Variants in MALRD1 observed in about 807,000 individuals in gnomAD.
MALRD1 encodes MAM and LDL-receptor class A domain-containing protein 1.
In MALRD1, 247 loss-of-function variants were observed where a neutral mutation model predicts 242.1. The ratio of observed to expected loss-of-function variants is 1.02; its 90% confidence interval spans 0.92 to 1.13. MALRD1 has a LOEUF of 1.13. MALRD1 is among the 50% of genes most tolerant of loss of function. MALRD1 has a pLI of 0.00. For missense variants in MALRD1, 2,989 were observed against 2,533.1 expected (o/e 1.18, Z -3.86); for synonymous variants, 995 against 866.6 (o/e 1.15, Z -2.60).
rs530561780 is a variant in MALRD1 at position 19,087,439 on chromosome 10, C to A, written c.341-401C>A. 8.6e-5 allele frequency among the ~76,000 whole-genome samples: 13 copies of A among 151,750 alleles called. 1 individual carries two copies. The South Asian group carries it at 2.7e-3, about 32-fold the overall frequency. ...AAATGATGTGGTTAAATTATTTGTT[C>A]TTTAAACAAAAAAAATTATTAATCT... On this transcript the variant is annotated intron_variant, in intron 2 of 39. Coordinates refer to ENST00000454679, the MANE Select transcript of MALRD1 (RefSeq NM_001142308.3).
chr10:19,448,852 G>A lies in MALRD1; in HGVS notation c.4846-1455G>A, dbSNP rs993525110. On this transcript the variant is annotated intron_variant, in intron 28 of 39. Transcript: ENST00000454679. ...ATGATTATATAATAATATAATTTTT[G>A]GAATCTGTTGTTAAAATTATCACTT... 1.1e-4 allele frequency among the ~76,000 whole-genome samples: 16 copies of A among 151,570 alleles called. No individual in the cohort carries two copies. The South Asian group carries it at 1.2e-3, about 12-fold the overall frequency.
rs116165096 is a variant in MALRD1, at chr10:19,473,883, T to C, written c.5030-17634T>C. On this transcript the variant is annotated intron_variant, in intron 29 of 39. Transcript: ENST00000454679. ...ATATGGTAATTCTATTTGTAATTTT[T>C]GTAAGAACCACCACATTCTTTTCCA... Among the ~76,000 whole-genome samples the C allele has an allele frequency of 3.9e-3, 596 of 152,280 alleles. 5 individuals are homozygous for C. Among genetic ancestry groups the C allele is most frequent in the African/African-American group, 0.014 (576 of 41,578 alleles).
chr10:19,284,650 A>G (rs1266834863), intron 21 of MALRD1, among the ~76,000 whole-genome samples: 1 of 142,488 alleles, frequency 7.0e-6, no homozygotes, highest in Admixed American at 7.1e-5. Context: ...CCAGTCTATC[A>G]TTGTTGGACA....
chr10:19,524,976 T>C (rs768649077), intron 31 of MALRD1, among the ~76,000 whole-genome samples: 28 of 152,062 alleles, frequency 1.8e-4, no homozygotes, highest in Non-Finnish European at 3.4e-4. Flanking sequence ...TAATCTCGGC[T>C]TACTGCAACC....
chr10:19,405,179 CTTAT>C (rs1365657012), intron 28 of MALRD1, among the ~76,000 whole-genome samples: 1 of 152,102 alleles, frequency 6.6e-6, no homozygotes, highest in Non-Finnish European at 1.5e-5. Flanking sequence ...GCGTCAACAT[CTTAT>C]TTGTTATTTT....
At chr10:19,483,821 A>G (rs778900793) in intron 29 of MALRD1, among the ~76,000 whole-genome samples, 10 of 152,124 alleles carry the variant, frequency 6.6e-5, no homozygotes, top group Non-Finnish European at 1.3e-4. Context: ...AAGATGCATG[A>G]ATGCATATGC....
At chr10:19,587,591 G>A (rs1466498906) in intron 33 of MALRD1, among the ~76,000 whole-genome samples, 2 of 152,208 alleles carry the variant, frequency 1.3e-5, no homozygotes, top group African/African-American at 2.4e-5. Context: ...TCAGTGTGAT[G>A]TAATTTTTAT....
At chr10:19,255,731 A>T (rs1839476044) in intron 18 of MALRD1, among the ~76,000 whole-genome samples, 1 of 152,040 alleles carries the variant, frequency 6.6e-6, no homozygotes. Flanking sequence ...TATGTATTAG[A>T]GCAAACCCAA....
At chr10:19,282,693 G>A (rs959892314) in intron 20 of MALRD1, among the ~76,000 whole-genome samples, 3 of 152,154 alleles carry the variant, frequency 2.0e-5, no homozygotes, top group Non-Finnish European at 2.9e-5. Flanking sequence ...GTCAGAACTT[G>A]GAGATCATGC....
intron 36 of MALRD1, among the ~76,000 whole-genome samples, chr10:19,656,798 T>TG (rs1243651698): frequency 6.6e-6 from 1 of 152,148 alleles, no homozygotes; most frequent in Non-Finnish European, 1.5e-5. Flanking sequence ...ACCTTGACCT[T>TG]GTCTTCTTGA....
At chr10:19,063,144 C>A (rs553897801) in intron 1 of MALRD1, among the ~76,000 whole-genome samples, 5 of 150,794 alleles carry the variant, frequency 3.3e-5, no homozygotes, top group Non-Finnish European at 4.4e-5. Flanking sequence ...AGACCCTGTC[C>A]CCCCCCCAAA....
intron 5 of MALRD1, among the ~76,000 whole-genome samples, chr10:19,113,098 TA>T (rs990469468): frequency 2.0e-5 from 3 of 152,180 alleles, no homozygotes; most frequent in African/African-American, 7.2e-5. Flanking sequence ...CCCTATGGGA[TA>T]TTTTTTTTCT....
At chr10:19,264,461 T>A (rs1230352873) in intron 19 of MALRD1, among the ~76,000 whole-genome samples, 2 of 122,676 alleles carry the variant, frequency 1.6e-5, no homozygotes, top group Non-Finnish European at 3.4e-5. Flanking sequence ...TTTTTCTTTT[T>A]TTTTTTTTTT....
chr10:19,330,970 A>G (rs887940849), intron 23 of MALRD1, among the ~76,000 whole-genome samples: 5 of 152,186 alleles, frequency 3.3e-5, no homozygotes, highest in African/African-American at 1.2e-4. Flanking sequence ...ATCTACTTGT[A>G]TCTTTTCACT....
At chr10:19,549,459 A>G (rs781206678) in intron 32 of MALRD1, among the ~76,000 whole-genome samples, 75 of 152,194 alleles carry the variant, frequency 4.9e-4, no homozygotes, top group Non-Finnish European at 8.7e-4. Flanking sequence ...CCCTTCAGCA[A>G]TCACCACCCT....
chr10:19,590,489 T>G (rs1267705186), intron 33 of MALRD1, among the ~76,000 whole-genome samples: 2 of 151,326 alleles, frequency 1.3e-5, no homozygotes, highest in Non-Finnish European at 2.9e-5. Context: ...TGAGAGAATT[T>G]CTAAGAAATC....
chr10:19,328,259 C>T (rs1303212540), intron 23 of MALRD1, among the ~76,000 whole-genome samples: 1 of 152,052 alleles, frequency 6.6e-6, no homozygotes, highest in Non-Finnish European at 1.5e-5. Flanking sequence ...AAATGTTTGG[C>T]ACAAAGCATA....
chr10:19,566,134 T>G (rs1836236934), intron 32 of MALRD1, among the ~76,000 whole-genome samples: 1 of 151,830 alleles, frequency 6.6e-6, no homozygotes, highest in Non-Finnish European at 1.5e-5. Flanking sequence ...TATATATTTT[T>G]TATTTATTTT....
chr10:19,410,582 G>T (rs1054697279), intron 28 of MALRD1, among the ~76,000 whole-genome samples: 1 of 151,884 alleles, frequency 6.6e-6, no homozygotes, highest in African/African-American at 2.4e-5. Context: ...CTTGATAATG[G>T]ACGCTAGGAA....
Sources: allele counts gnomAD v4.1 joint callset (sites outside exome capture counted in the v4.1 genomes callset), GRCh38; gene constraint gnomAD v4.1.1; transcripts MANE v1.5; gene names NCBI Gene and HGNC (gene_info 2026-07-23, HGNC 2026-07-21).